FARP1: variants seen among roughly 807,000 people sequenced by gnomAD.
The protein encoded by FARP1 is FERM, ARH/RhoGEF and pleckstrin domain protein 1, also known as FERM, ARHGEF and pleckstrin domain-containing protein 1.
FARP1 carries 52 observed loss-of-function variants against 128.8 expected under a neutral mutation model. That is an observed-to-expected ratio of 0.40 (90% confidence interval 0.32 to 0.51). FARP1 has a LOEUF of 0.51. Among genes scored for constraint, FARP1 ranks in the 20% least tolerant of loss-of-function variants. FARP1 has a pLI of 0.45. For synonymous variants in FARP1, 580 were observed against 551.8 expected, an observed-to-expected ratio of 1.05 and a Z score of -0.72; for missense variants, 1,333 against 1,367.9, an observed-to-expected ratio of 0.97 and a Z score of 0.40.
chr13:98,393,747 T>G, intron 12 of FARP1, 29 bp downstream of exon 12: 2 of 1,567,116 alleles, frequency 1.3e-6, no homozygotes, highest in South Asian at 2.2e-5. Context: ...CTATGATAAC[T>G]CTGCTTTTCC....
intron 2 of FARP1, among the ~76,000 whole-genome samples, chr13:98,302,164 A>G (rs1372977188): frequency 2.6e-5 from 4 of 152,236 alleles, no homozygotes; most frequent in Admixed American, 2.0e-4. Flanking sequence ...CCACCAAGTT[A>G]GCTGTTAACT....
At chr13:98,297,979 A>G (rs970275588) in intron 2 of FARP1, among the ~76,000 whole-genome samples, 1 of 152,290 alleles carries the variant, frequency 6.6e-6, no homozygotes. Flanking sequence ...GTGCGTTTGC[A>G]TTTTGACCTT....
intron 2 of FARP1, chr13:98,233,928 G>A (rs1478718689): frequency 6.6e-6 from 1 of 152,132 alleles, no homozygotes; most frequent in Non-Finnish European, 1.5e-5. Flanking sequence ...AGTCAGAAAT[G>A]GAAAAAGAGG....
In FARP1 at chr13:98,143,365, GCGC is replaced by G; in HGVS notation, c.-140_-138del. 6.7e-6 allele frequency: 1 copy of G among 149,626 alleles called. No individual in the cohort carries two copies. The highest frequency in any genetic ancestry group is 1.5e-5 in the Non-Finnish European group (1 of 66,866). The allele number at this position is 149,626 out of a possible 1,614,324, so 9.3% of individuals were successfully genotyped here. ...CACCGCCAGCCCTGCTCGCGCGCCC[GCGC>G]CGCCGCCGCCCGCGGGTATTAATAG... On this transcript the variant is annotated 5_prime_UTR_variant, in exon 1 of 27. Transcript: ENST00000319562.
intron 2 of FARP1, among the ~76,000 whole-genome samples, chr13:98,251,524 A>G (rs1160447749): frequency 6.6e-6 from 1 of 152,038 alleles, no homozygotes; most frequent in African/African-American, 2.4e-5. Flanking sequence ...CTCTACTAAA[A>G]ATACAAAAAT....
intron 16 of FARP1, among the ~76,000 whole-genome samples, chr13:98,415,973 G>A (rs1325556393): frequency 1.3e-5 from 2 of 152,266 alleles, no homozygotes; most frequent in African/African-American, 2.4e-5. Context: ...AGGGTGTTAC[G>A]CAAATGGCAC....
intron 2 of FARP1, chr13:98,328,054 C>G (rs773431206): frequency 6.6e-6 from 1 of 152,176 alleles, no homozygotes; most frequent in Non-Finnish European, 1.5e-5. Flanking sequence ...TTTCTGGACT[C>G]TAATGTGTTA....
intron 1 of FARP1, among the ~76,000 whole-genome samples, chr13:98,189,177 A>T (rs1205651647): frequency 6.6e-6 from 1 of 152,082 alleles, no homozygotes; most frequent in Non-Finnish European, 1.5e-5. Context: ...AGTGGCCAAG[A>T]ACATGAACCC....
At chr13:98,284,198 C>T (rs1885064109) in intron 2 of FARP1, among the ~76,000 whole-genome samples, 2 of 151,620 alleles carry the variant, frequency 1.3e-5, no homozygotes, top group African/African-American at 2.4e-5. Context: ...TTTTTTTCCT[C>T]ATCAGCTATT....
At chr13:98,295,932 T>C (rs1358162095) in intron 2 of FARP1, among the ~76,000 whole-genome samples, 3 of 152,160 alleles carry the variant, frequency 2.0e-5, no homozygotes, top group Non-Finnish European at 4.4e-5. Context: ...CAGTTTAAAA[T>C]ATAAGAAAGA....
chr13:98,248,186 G>C (rs1282283662), intron 2 of FARP1, among the ~76,000 whole-genome samples: 1 of 152,154 alleles, frequency 6.6e-6, no homozygotes, highest in African/African-American at 2.4e-5. Flanking sequence ...CTAATATCTG[G>C]CATGAGTAAA....
intron 1 of FARP1, among the ~76,000 whole-genome samples, chr13:98,160,945 C>T (rs1413292576): frequency 3.9e-5 from 6 of 151,950 alleles, no homozygotes; most frequent in Admixed American, 6.6e-5. Flanking sequence ...CCCAAAGTGC[C>T]GGGAGTACAG....
chr13:98,417,941 G>A (rs1156908948), intron 16 of FARP1, among the ~76,000 whole-genome samples: 1 of 152,212 alleles, frequency 6.6e-6, no homozygotes, highest in African/African-American at 2.4e-5. Flanking sequence ...AAAAATCAGT[G>A]TTCATAGCAG....
chr13:98,157,114 C>T (rs907535720), intron 1 of FARP1, among the ~76,000 whole-genome samples: 13 of 152,174 alleles, frequency 8.5e-5, no homozygotes, highest in African/African-American at 2.4e-4. Flanking sequence ...AGAAAATGCT[C>T]ACTTGTAAAA....
At chr13:98,325,693 C>T (rs1346367711) in intron 2 of FARP1, among the ~76,000 whole-genome samples, 5 of 152,248 alleles carry the variant, frequency 3.3e-5, no homozygotes, top group Admixed American at 3.3e-4. Context: ...CCAACACATA[C>T]TCAGGTTTCC....
At chr13:98,145,970 T>A (rs1184374084) in intron 1 of FARP1, among the ~76,000 whole-genome samples, 2 of 152,316 alleles carry the variant, frequency 1.3e-5, no homozygotes, top group Middle Eastern at 6.8e-3. Context: ...TAGTTTTTTT[T>A]AAACAGTGAA....
intron 1 of FARP1, among the ~76,000 whole-genome samples, chr13:98,184,891 AC>A (rs1221529437): frequency 6.6e-6 from 1 of 152,222 alleles, no homozygotes; most frequent in Non-Finnish European, 1.5e-5. Flanking sequence ...ACAGGGAAGA[AC>A]CAGTTTCACA....
chr13:98,349,672 GAAAAAAAAA>G (rs56376512), intron 3 of FARP1, among the ~76,000 whole-genome samples: 3 of 59,864 alleles, frequency 5.0e-5, no homozygotes, highest in East Asian at 9.8e-4. Context: ...CCATCTCAGG[GAAAAAAAAA>G]AAAAAAAAAA....
chr13:98,250,173 T>C (rs1447950097), intron 2 of FARP1, among the ~76,000 whole-genome samples: 3 of 152,110 alleles, frequency 2.0e-5, no homozygotes, highest in African/African-American at 4.8e-5. Context: ...TGAAAAGAAA[T>C]GTGGGATTTA....
Sources: gnomAD v4.1 joint callset for allele counts (sites outside exome capture counted in the v4.1 genomes callset) on GRCh38, gnomAD v4.1.1 for gene constraint, MANE v1.5 for transcripts, NCBI Gene and HGNC (gene_info 2026-07-23, HGNC 2026-07-21) for gene names.